NYAP2: variants seen among roughly 807,000 people sequenced by gnomAD.
NYAP2 encodes neuronal tyrosine-phosphorylated phosphoinositide-3-kinase adaptor 2.
A neutral mutation model predicts 50.4 loss-of-function variants in NYAP2; 23 were observed. That is an observed-to-expected ratio of 0.46 (90% confidence interval 0.33 to 0.65). NYAP2 has a LOEUF of 0.65. Among genes scored for constraint, NYAP2 ranks in the 30% least tolerant of loss-of-function variants. The probability of loss-of-function intolerance (pLI) is 0.02; values close to 1 mark genes in which losing one functional copy is unlikely to be tolerated. For synonymous variants in NYAP2, 394 were observed against 365.2 expected (o/e 1.08, Z -0.90); for missense variants, 885 against 861.0 (o/e 1.03, Z -0.35).
chr2:225,600,049 A>G (rs1023418571), intron 5 of NYAP2, among the ~76,000 whole-genome samples: 1 of 152,182 alleles, frequency 6.6e-6, no homozygotes, highest in African/African-American at 2.4e-5. Flanking sequence ...ATGCAGAGCC[A>G]GCTGTGTAGG....
chr2:225,617,344 G>A (rs1693006782), intron 5 of NYAP2, among the ~76,000 whole-genome samples: 1 of 152,074 alleles, frequency 6.6e-6, no homozygotes, highest in Admixed American at 6.6e-5. Context: ...CAGGAGAATT[G>A]CTTGAACCCG....
intron 6 of NYAP2, among the ~76,000 whole-genome samples, chr2:225,643,517 A>G (rs1353303696): frequency 6.6e-6 from 1 of 151,852 alleles, no homozygotes; most frequent in Non-Finnish European, 1.5e-5. Context: ...ATACGTATAC[A>G]TATGCCATGC....
intron 6 of NYAP2, among the ~76,000 whole-genome samples, chr2:225,644,391 T>G (rs1306401283): frequency 1.5e-3 from 230 of 151,356 alleles, no homozygotes; most frequent in African/African-American, 5.4e-3. Flanking sequence ...TTTTGTAGGT[T>G]GCCTGTTCAC....
chr2:225,596,454 C>T (rs900200156), intron 5 of NYAP2, among the ~76,000 whole-genome samples: 2 of 152,128 alleles, frequency 1.3e-5, no homozygotes, highest in Admixed American at 1.3e-4. Context: ...ATGTGTTCAA[C>T]TATTTGAGTG....
intron 6 of NYAP2, among the ~76,000 whole-genome samples, chr2:225,638,369 G>A (rs1288760256): frequency 6.6e-6 from 1 of 152,068 alleles, no homozygotes; most frequent in African/African-American, 2.4e-5. Context: ...GGATAGAGTG[G>A]AAGGAAAAAG....
exon 7 of NYAP2, chr2:225,652,809 C>T (rs758266062): frequency 7.9e-5 from 12 of 152,180 alleles, no homozygotes; most frequent in Admixed American, 2.6e-4. Flanking sequence ...AGAATAATTG[C>T]GTTTTCTTCT....
chr2:225,663,895 T>C, the NYAP2 span, among the ~76,000 whole-genome samples: 1 of 151,918 alleles, frequency 6.6e-6, no homozygotes, highest in South Asian at 2.1e-4. Flanking sequence ...CCTCCAAGAG[T>C]TGCCTGACTC....
intron 3 of NYAP2, among the ~76,000 whole-genome samples, chr2:225,428,074 GTT>G (rs918935740): frequency 1.3e-5 from 2 of 152,136 alleles, no homozygotes; most frequent in South Asian, 2.1e-4. Context: ...TGCAAAAGGG[GTT>G]GATTTTTCCT....
At chr2:225,531,524 G>A (rs542729602) in intron 4 of NYAP2, among the ~76,000 whole-genome samples, 114 of 152,166 alleles carry the variant, frequency 7.5e-4, no homozygotes, top group Non-Finnish European at 1.5e-3. Flanking sequence ...TCCTTTTGTC[G>A]TTGTACCTTT....
chr2:225,657,100 T>C (rs1693841132), downstream of NYAP2, among the ~76,000 whole-genome samples: 1 of 140,048 alleles, frequency 7.1e-6, no homozygotes, highest in Non-Finnish European at 1.5e-5. Flanking sequence ...GAAATCTAAT[T>C]CCTTTTTTTT....
chr2:225,582,789 G>A lies in NYAP2; in HGVS notation c.1372G>A (p.Asp458Asn), dbSNP rs376546506. The A allele has an allele frequency of 6.2e-7, 1 of 1,613,874 alleles. No individual in the cohort carries two copies. The highest frequency in any genetic ancestry group is 8.5e-7 in the Non-Finnish European group (1 of 1,179,890). The change falls in exon 5 of 7, where the codon GAC becomes AAC. Residue 458 changes from aspartate to asparagine, a missense_variant. Coordinates refer to ENST00000636099, the Ensembl canonical transcript of NYAP2. The surrounding 1 kb of genome is among the most constrained non-coding windows in gnomAD (Gnocchi z 7.0). Reference sequence around the variant, plus strand: ...GAGCCTCAAAAGGCCTCCCCCTTACGACGCTGTGCATTCGGGCAGCCTCTC... The same window carrying A: ...GAGCCTCAAAAGGCCTCCCCCTTACAACGCTGTGCATTCGGGCAGCCTCTC...
intron 3 of NYAP2, among the ~76,000 whole-genome samples, chr2:225,469,834 A>G (rs1275798307): frequency 2.0e-5 from 3 of 152,130 alleles, no homozygotes; most frequent in Non-Finnish European, 2.9e-5. Context: ...GGAACATCAC[A>G]CACTGTGACC....
downstream of NYAP2, among the ~76,000 whole-genome samples, chr2:225,657,032 T>G (rs1693840158): frequency 6.6e-6 from 1 of 150,708 alleles, no homozygotes; most frequent in Middle Eastern, 3.2e-3. Flanking sequence ...GCCTGGAGAG[T>G]GTGAGAAAGG....
chr2:225,657,102 C>CTTTTTTTTTTTTT, downstream of NYAP2, among the ~76,000 whole-genome samples: 1 of 101,074 alleles, frequency 9.9e-6, no homozygotes. Context: ...AATCTAATTC[C>CTTTTTTTTTTTTT]TTTTTTTTTT....
chr2:225,647,887 C>G (rs1472863006), intron 6 of NYAP2, among the ~76,000 whole-genome samples: 1 of 152,030 alleles, frequency 6.6e-6, no homozygotes, highest in Non-Finnish European at 1.5e-5. Context: ...CCATGCTTGG[C>G]AACAACTTGA....
chr2:225,667,206 T>C, the NYAP2 span, among the ~76,000 whole-genome samples: 2 of 152,104 alleles, frequency 1.3e-5, no homozygotes, highest in Non-Finnish European at 2.9e-5. Context: ...GATGCTTGAG[T>C]TTGAAGATGG....
At chr2:225,576,718 G>A (rs1264819498) in intron 4 of NYAP2, among the ~76,000 whole-genome samples, 1 of 152,206 alleles carries the variant, frequency 6.6e-6, no homozygotes, top group Admixed American at 6.5e-5. Context: ...GATACTTTAT[G>A]CCATATACAA....
intron 3 of NYAP2, among the ~76,000 whole-genome samples, chr2:225,437,103 G>A (rs1327268038): frequency 1.3e-5 from 2 of 151,812 alleles, no homozygotes; most frequent in Non-Finnish European, 2.9e-5. Flanking sequence ...TGTATATATA[G>A]CACCCAAGCA....
intron 5 of NYAP2, among the ~76,000 whole-genome samples, chr2:225,616,876 T>C (rs1324084354): frequency 6.6e-6 from 1 of 152,200 alleles, no homozygotes; most frequent in African/African-American, 2.4e-5. Context: ...GTGCCTCCTT[T>C]AGTGCTTAAA....
Sources: allele counts gnomAD v4.1 joint callset (sites outside exome capture counted in the v4.1 genomes callset), GRCh38; gene constraint gnomAD v4.1.1; non-coding constraint Gnocchi (gnomAD v3.1); transcripts MANE v1.5; gene names NCBI Gene and HGNC (gene_info 2026-07-23, HGNC 2026-07-21).